The following ATR variants were observed in gnomAD, a reference collection of about 807,000 sequenced individuals.
ATR encodes serine/threonine-protein kinase ATR.
ATR carries 142 observed loss-of-function variants against 305.3 expected under a neutral mutation model. That is an observed-to-expected ratio of 0.47 (90% CI 0.41 to 0.53). The LOEUF (loss-of-function observed/expected upper bound fraction) is 0.53, where lower values mean the gene tolerates loss of function less well. ATR is among the 20% of genes least tolerant of loss of function. ATR has a pLI of 0.00. For missense variants in ATR, 2,135 were observed against 3,133.1 expected, an observed-to-expected ratio of 0.68 and a Z score of 7.60; for synonymous variants, 1,050 against 1,068.1, an observed-to-expected ratio of 0.98 and a Z score of 0.33.
intron 32 of ATR, among the ~76,000 whole-genome samples, chr3:142,498,349 T>C (rs2031760493): frequency 6.6e-6 from 1 of 152,196 alleles, no homozygotes; most frequent in African/African-American, 2.4e-5. Flanking sequence ...AACTATGACA[T>C]TACAAGAGGA....
intron 21 of ATR, among the ~76,000 whole-genome samples, chr3:142,528,694 C>T (rs2033498591): frequency 6.6e-6 from 1 of 150,794 alleles, no homozygotes; most frequent in Non-Finnish European, 1.5e-5. Context: ...GACTCAGATG[C>T]TTGGCTACAA....
chr3:142,578,662 G>A lies in ATR; in HGVS notation c.43C>T (p.Leu15=), dbSNP rs1206271114. Residue 15 remains leucine (L), a synonymous_variant, in exon 1 of 47, where the codon CTG becomes TTG. Coordinates refer to ENST00000350721, the MANE Select transcript of ATR (RefSeq NM_001184.4). The stretch of plus-strand genomic sequence containing the variant: ...TAGCCCTACCTGCCCAGCTCCCGCA[G>A]GGCGGGGATCATGGAAGCCAGCTCC... ...GLELASMIPA[L]RELGSATPEE... The A allele has an allele frequency of 1.2e-6, 2 of 1,613,238 alleles. No homozygotes were observed. The highest frequency in any genetic ancestry group is 1.7e-6 in the Non-Finnish European group (2 of 1,179,760).
chr3:142,507,790 C>A, intron 28 of ATR, 141 bp downstream of exon 28: 1 of 784,928 alleles, frequency 1.3e-6, no homozygotes, highest in Non-Finnish European at 2.0e-6. Flanking sequence ...AAATATTATA[C>A]CAAATTGATG....
chr3:142,558,755 T>C lies in ATR; in HGVS notation c.1754A>G (p.His585Arg). ...YMQVNSSFED[H>R]ILEDLCGMLS... The stretch of plus-strand genomic sequence containing the variant: ...CATACCACATAAATCTTCCAGGATA[T>C]GATCTTCAAATGAACTGTTTACTAC... Residue 585 changes from histidine (H) to arginine (R), a missense_variant, in exon 8 of 47, where the codon CAT (histidine) becomes CGT (arginine). Transcript: ENST00000350721. 3 of 1,609,776 alleles carry C rather than the reference T, an allele frequency of 1.9e-6. No individual in the cohort carries two copies. The highest frequency in any genetic ancestry group is 2.5e-6 in the Non-Finnish European group (3 of 1,176,990).
In ATR at chr3:142,503,364, G is replaced by C. The variant is rs377386677; in HGVS notation, c.5286C>G (p.Asn1762Lys). 2.2e-5 allele frequency: 35 copies of C among 1,596,526 alleles called. No individual in the cohort carries two copies. Among genetic ancestry groups the C allele is most frequent in the Non-Finnish European group, 2.7e-5 (31 of 1,164,754 alleles). ...AAAATCATTTTATAAAATATTACCT[G>C]TTAGCATGCACTCCATTCACCTGAG... Reference protein sequence around the residue: ...VITQVNGVHANRSEWTDELNT... With the variant: ...VITQVNGVHAKRSEWTDELNT... The change falls in exon 30 of 47, where the codon AAC (asparagine) becomes AAG (lysine). Residue 1762 changes from asparagine (N) to lysine (K), a missense_variant and splice_region_variant. Coordinates refer to ENST00000350721, the MANE Select transcript of ATR (RefSeq NM_001184.4).
intron 46 of ATR, chr3:142,450,418 G>A (rs2070763451): frequency 3.2e-6 from 5 of 1,586,238 alleles, no homozygotes; most frequent in Non-Finnish European, 3.4e-6. Flanking sequence ...TTTCACTTGT[G>A]ACAAGTTTAG....
intron 23 of ATR, among the ~76,000 whole-genome samples, chr3:142,520,614 A>G (rs2033105507): frequency 2.0e-5 from 3 of 152,204 alleles, no homozygotes; most frequent in African/African-American, 7.2e-5. Flanking sequence ...AGCCTAATCC[A>G]AAGAAAAGCC....
chr3:142,570,262 GTT>G (rs2035216983), intron 1 of ATR, among the ~76,000 whole-genome samples: 1 of 152,156 alleles, frequency 6.6e-6, no homozygotes, highest in Non-Finnish European at 1.5e-5. Context: ...GATGCACAAA[GTT>G]TTTAATTTTG....
intron 36 of ATR, among the ~76,000 whole-genome samples, chr3:142,483,194 A>G (rs1444735773): frequency 6.6e-6 from 1 of 151,980 alleles, no homozygotes; most frequent in East Asian, 1.9e-4. Flanking sequence ...TTAATTTCTG[A>G]AAATATTTAA....
At position 142,549,530 on chromosome 3, in the gene ATR, C is replaced by T. The variant is rs28910272; in HGVS notation, c.3120G>A (p.Leu1040=). 0.019 allele frequency: 31,346 copies of T among 1,609,962 alleles called. 392 individuals are homozygous for T. The highest frequency in any genetic ancestry group is 0.041 in the South Asian group (3,680 of 90,326). The change falls in exon 15 of 47, where the codon TTG becomes TTA. Residue 1040 remains leucine, a synonymous_variant. Coordinates refer to ENST00000350721, the MANE Select transcript of ATR (RefSeq NM_001184.4). Reference sequence around the variant, plus strand: ...ATTCATCTTTGGAACAAGAACAGACCAAATGAGAAAAAATATATTTGAAGT... The same window carrying T: ...ATTCATCTTTGGAACAAGAACAGACTAAATGAGAAAAAATATATTTGAAGT... ...INNFKYIFSH[L]VCSCSKDELE... is the part of the protein sequence containing the mutation.
At chr3:142,570,833 C>A (rs2108501471) in intron 1 of ATR, among the ~76,000 whole-genome samples, 1 of 152,292 alleles carries the variant, frequency 6.6e-6, no homozygotes, top group East Asian at 1.9e-4. Context: ...AATGTGAATA[C>A]TGAGAATAGC....
chr3:142,471,038 TC>T (rs2071251213), intron 36 of ATR, among the ~76,000 whole-genome samples: 1 of 152,014 alleles, frequency 6.6e-6, no homozygotes. Context: ...TCACCACCAT[TC>T]CCCCTCCAGA....
chr3:142,553,503 T>C, intron 12 of ATR, 105 bp from the exon 13 acceptor site: 2 of 1,463,222 alleles, frequency 1.4e-6, no homozygotes, highest in African/African-American at 1.4e-5. Context: ...CAAACGGAAA[T>C]CTACAAATAA....
At chr3:142,528,059 T>C (rs2033471200) in intron 21 of ATR, among the ~76,000 whole-genome samples, 1 of 152,166 alleles carries the variant, frequency 6.6e-6, no homozygotes, top group South Asian at 2.1e-4. Flanking sequence ...AGACAATAAA[T>C]TTCTGTTTCT....
intron 13 of ATR, 121 bp downstream of exon 13, chr3:142,553,106 A>T (rs1165660408): frequency 1.5e-6 from 2 of 1,305,062 alleles, no homozygotes; most frequent in Non-Finnish European, 2.1e-6. Context: ...CCTGAACTTA[A>T]AATATAAATT....
intron 30 of ATR, among the ~76,000 whole-genome samples, chr3:142,502,412 C>G (rs183878857): frequency 5.6e-5 from 8 of 143,250 alleles, no homozygotes; most frequent in Non-Finnish European, 1.1e-4. Context: ...GGGAGCTAAA[C>G]ATTGGGTACA....
chr3:142,564,755 C>CTTTTTTTTTTT (rs897741478), intron 3 of ATR, among the ~76,000 whole-genome samples: 1 of 147,410 alleles, frequency 6.8e-6, no homozygotes, highest in African/African-American at 2.5e-5. Flanking sequence ...ATAATATTTT[C>CTTTTTTTTTTT]TTTTTTTTTT....
chr3:142,452,782 G>A (rs2070820498), intron 46 of ATR: 1 of 1,120,410 alleles, frequency 8.9e-7, no homozygotes, highest in African/African-American at 1.6e-5. Context: ...AACATAGCTT[G>A]TGACATACTG....
At chr3:142,449,692 T>A in intron 46 of ATR, 90 bp from the exon 47 acceptor site, 1 of 1,337,302 alleles carries the variant, frequency 7.5e-7, no homozygotes, top group Non-Finnish European at 1.1e-6. Flanking sequence ...TAAATGTTAA[T>A]ACCATTTTAC....
Sources: gnomAD v4.1 joint callset for allele counts (sites outside exome capture counted in the v4.1 genomes callset) on GRCh38, gnomAD v4.1.1 for gene constraint, MANE v1.5 for transcripts, NCBI Gene and HGNC (gene_info 2026-07-23, HGNC 2026-07-21) for gene names.